Variants in COL4A5 observed in about 807,000 individuals in gnomAD.
The protein encoded by COL4A5 is collagen alpha-5(IV) chain.
In COL4A5, 26 loss-of-function variants were observed where a neutral mutation model predicts 130.2. That is an observed-to-expected ratio of 0.20 (90% CI 0.15 to 0.28). The LOEUF is 0.28. Among genes scored for constraint, COL4A5 ranks in the 10% least tolerant of loss-of-function variants. The probability of loss-of-function intolerance (pLI) is 1.00; values close to 1 mark genes in which losing one functional copy is unlikely to be tolerated. For synonymous variants in COL4A5, 496 were observed against 439.6 expected, an observed-to-expected ratio of 1.13 and a Z score of -1.60; for missense variants, 1,131 against 1,344.3, an observed-to-expected ratio of 0.84 and a Z score of 2.48.
chrX:108,673,122 T>G (rs2068237284), intron 42 of COL4A5, among the ~76,000 whole-genome samples: 1 of 112,231 alleles, frequency 8.9e-6, no homozygotes, highest in African/African-American at 3.2e-5. Context: ...GTCTTGCTCA[T>G]CTTTGTGTTT....
At chrX:108,666,657 T>G in intron 39 of COL4A5, 63 bp downstream of exon 39, 1 of 903,410 alleles carries the variant, frequency 1.1e-6, no homozygotes, top group Non-Finnish European at 1.6e-6. Flanking sequence ...TAACTTGCCT[T>G]TTTATTACCC....
chrX:108,655,416 C>A lies in COL4A5; in HGVS notation c.3332C>A (p.Thr1111Asn). Residue 1111 changes from threonine to asparagine, a missense_variant, in exon 37 of 53, where the codon ACC becomes AAC. By Grantham distance (65) the Thr-to-Asn change is moderately conservative (BLOSUM62 0). Coordinates refer to ENST00000328300, the MANE Select transcript of COL4A5 (RefSeq NM_033380.3). Reference protein sequence around the residue: ...GDPGLPGLPGTPGAKGQPGLP... With the variant: ...GDPGLPGLPGNPGAKGQPGLP... The stretch of plus-strand genomic sequence containing the variant: ...CCTGGTTTGCCCGGATTACCAGGAA[C>A]CCCTGGAGCAAAAGGACAACCAGGC... 1 of 1,211,072 alleles carries A rather than the reference C, an allele frequency of 8.3e-7. No homozygotes were observed. Among genetic ancestry groups the A allele is most frequent in the South Asian group, 1.8e-5 (1 of 56,969 alleles).
At chrX:108,666,149 A>AT (rs1397465666) in intron 38 of COL4A5, among the ~76,000 whole-genome samples, 4 of 111,014 alleles carry the variant, frequency 3.6e-5, no homozygotes, top group South Asian at 3.8e-4. Context: ...AGAAGCTTTG[A>AT]TTTTTTTAGA....
At chrX:108,652,954 C>T (rs185361130) in intron 36 of COL4A5, among the ~76,000 whole-genome samples, 1 of 111,718 alleles carries the variant, frequency 9.0e-6, no homozygotes, top group East Asian at 2.8e-4. Flanking sequence ...TCATTCAAAT[C>T]GCTTCTACCT....
At chrX:108,492,348 G>C (rs1267840125) in intron 1 of COL4A5, among the ~76,000 whole-genome samples, 1 of 111,638 alleles carries the variant, frequency 9.0e-6, no homozygotes. Flanking sequence ...AAAGAATACA[G>C]ACTTTACAAA....
intron 1 of COL4A5, among the ~76,000 whole-genome samples, chrX:108,489,054 A>G (rs902023445): frequency 8.9e-5 from 10 of 112,002 alleles, no homozygotes; most frequent in Admixed American, 7.6e-4. Context: ...ATTTTTTCAT[A>G]TTCCAAGAAA....
In COL4A5 at chrX:108,591,218, T is replaced by A. The variant is rs997961006; in HGVS notation, c.1326T>A (p.Pro442=). ...GLPGPPGPAG[P]HIPPSDEICE... ...CAGGGCCTCCTGGCCCTGCTGGCCC[T>A]CACATTCCTCCTAGTAAGCTATATT... The change falls in exon 20 of 53, where the codon CCT becomes CCA. Residue 442 remains proline, a synonymous_variant. Coordinates refer to ENST00000328300, the MANE Select transcript of COL4A5 (RefSeq NM_033380.3). 8.3e-7 allele frequency: 1 copy of A among 1,209,071 alleles called. No homozygotes were observed. The highest frequency in any genetic ancestry group is 1.7e-5 in the African/African-American group (1 of 57,753).
intron 24 of COL4A5, 81 bp from the exon 25 acceptor site, chrX:108,598,621 C>T (rs2066565562): frequency 8.8e-6 from 8 of 913,457 alleles, no homozygotes; most frequent in Non-Finnish European, 1.1e-5. Flanking sequence ...TGGCTATATC[C>T]TTTCCCCAGT....
chrX:108,638,820 T>G (rs760834090), intron 36 of COL4A5, among the ~76,000 whole-genome samples: 1 of 111,460 alleles, frequency 9.0e-6, no homozygotes, highest in African/African-American at 3.3e-5. Context: ...AAAATTAAAT[T>G]TACAGTTGCA....
chrX:108,677,993 T>C (rs2147975765), intron 44 of COL4A5, among the ~76,000 whole-genome samples: 1 of 112,053 alleles, frequency 8.9e-6, no homozygotes, highest in Admixed American at 9.5e-5. Flanking sequence ...TAGAGGCATC[T>C]TTTAGGCTTT....
intron 1 of COL4A5, among the ~76,000 whole-genome samples, chrX:108,512,794 G>A (rs201563934): frequency 1.3e-4 from 15 of 111,315 alleles, no homozygotes; most frequent in East Asian, 8.5e-4. Context: ...ATGAAGTTTC[G>A]GGCACCATTG....
chrX:108,649,354 A>G (rs1386974133), intron 36 of COL4A5, among the ~76,000 whole-genome samples: 2 of 111,188 alleles, frequency 1.8e-5, no homozygotes, highest in African/African-American at 6.5e-5. Context: ...CAAATTTGAC[A>G]CAATCCCCAT....
intron 44 of COL4A5, among the ~76,000 whole-genome samples, chrX:108,678,575 T>C (rs1325649481): frequency 9.0e-6 from 1 of 111,608 alleles, no homozygotes; most frequent in East Asian, 2.8e-4. Flanking sequence ...TTATATTTTA[T>C]AAAATTCTTA....
intron 47 of COL4A5, among the ~76,000 whole-genome samples, chrX:108,682,532 C>T (rs1411431193): frequency 1.8e-5 from 2 of 112,076 alleles, no homozygotes; most frequent in African/African-American, 6.5e-5. Flanking sequence ...ATTCCTATTT[C>T]TCCACATCCT....
chrX:108,659,046 T>C (rs775462757), intron 37 of COL4A5, among the ~76,000 whole-genome samples: 53 of 111,360 alleles, frequency 4.8e-4, no homozygotes, highest in African/African-American at 1.6e-3. Flanking sequence ...TAAATTTCCA[T>C]CTAAGGAGTG....
At chrX:108,643,127 T>C (rs1465614181) in intron 36 of COL4A5, among the ~76,000 whole-genome samples, 2 of 111,603 alleles carry the variant, frequency 1.8e-5, no homozygotes, top group Non-Finnish European at 3.8e-5. Flanking sequence ...CTGGAAAGTC[T>C]CAGCAATAGA....
Position 108,689,469 on chromosome X carries a change from G to A in COL4A5, c.4528+1775G>A, listed in dbSNP as rs954328432. On this transcript the variant is annotated intron_variant, in intron 49 of 52. Transcript: ENST00000328300. ...GTAATTATAACTTTTCAGAATCCAT[G>A]TATTTTCTCTAATAAGAACAATCAG... The A allele has an allele frequency of 5.3e-5, 40 of 750,254 alleles. No individual in the cohort carries two copies. The African/African-American group carries it at 8.6e-4, about 16-fold the overall frequency. 61.8% of individuals were successfully genotyped at this position (750,254 alleles called of 1,213,427 possible).
At chrX:108,491,236 G>C (rs1029498687) in intron 1 of COL4A5, among the ~76,000 whole-genome samples, 5 of 111,153 alleles carry the variant, frequency 4.5e-5, no homozygotes, top group African/African-American at 1.6e-4. Flanking sequence ...GGCTTTCAGT[G>C]GTTCTTTCCC....
At chrX:108,563,742 G>A in intron 3 of COL4A5, 140 bp from the exon 4 acceptor site, 1 of 485,085 alleles carries the variant, frequency 2.1e-6, no homozygotes, top group African/African-American at 2.4e-5. Context: ...AATAATAAAT[G>A]CTTCTTCCTT....
Sources: allele counts gnomAD v4.1 joint callset (sites outside exome capture counted in the v4.1 genomes callset), GRCh38; gene constraint gnomAD v4.1.1; transcripts MANE v1.5; gene names NCBI Gene and HGNC (gene_info 2026-07-23, HGNC 2026-07-21).